The following TGIF1 variants were observed in gnomAD, a reference collection of about 807,000 sequenced individuals.
TGIF1 encodes homeobox protein TGIF1.
Under a neutral mutation model 19.3 loss-of-function variants are expected in TGIF1, and 4 were observed. The ratio of observed to expected loss-of-function variants is 0.21; its 90% confidence interval spans 0.10 to 0.47. TGIF1 has a LOEUF of 0.47. Ranked by LOEUF, TGIF1 falls within the 20% of genes least tolerant of loss-of-function variation. The probability of loss-of-function intolerance (pLI) is 0.98; values close to 1 mark genes in which losing one functional copy is unlikely to be tolerated. For missense variants in TGIF1, 275 were observed against 341.4 expected (o/e 0.81, Z 1.53); for synonymous variants, 122 against 129.3 (o/e 0.94, Z 0.38).
chr18:3,449,604 G>C, upstream of TGIF1: 1 of 977,332 alleles, frequency 1.0e-6, no homozygotes, highest in South Asian at 4.8e-5. Flanking sequence ...GGGAGGAGAA[G>C]GGTGCGCCGC....
chr18:3,423,086 G>A (rs2082426981), intron 2 of TGIF1, among the ~76,000 whole-genome samples: 1 of 152,090 alleles, frequency 6.6e-6, no homozygotes, highest in Non-Finnish European at 1.5e-5. Context: ...GTACTCATAT[G>A]GTTACATCAC....
chr18:3,423,472 C>G lies in TGIF1; in HGVS notation c.-45+5257C>G, dbSNP rs146828374. The stretch of plus-strand genomic sequence containing the variant: ...GGGCGGGCAGATCACGAGGTCAGGA[C>G]ATCGAGACCTTCCTGGCTAACACGG... On this transcript the variant is annotated intron_variant, in intron 2 of 3. Transcript: ENST00000401449. Among the ~76,000 whole-genome samples, 834 of 152,014 alleles carry G rather than the reference C, an allele frequency of 5.5e-3. 6 individuals carry two copies. The highest frequency in any genetic ancestry group is 0.018 in the African/African-American group (745 of 41,460).
At position 3,456,731 on chromosome 18, in the gene TGIF1, AACT is replaced by A; in HGVS notation, c.243+153_243+155del. The stretch of plus-strand genomic sequence containing the variant: ...AAACTTGATAGTGTTAAAAGCTAAT[AACT>A]AGCTATTTAGAGAACACAGAAACAC... On this transcript the variant is annotated intron_variant, in intron 2 of 2. Coordinates refer to ENST00000343820, the MANE Select transcript of TGIF1 (RefSeq NM_003244.4). The surrounding 1 kb of genome is among the most constrained non-coding windows in gnomAD (Gnocchi z 4.2). 1 of 761,158 alleles carries A rather than the reference AACT, an allele frequency of 1.3e-6. No individual in the cohort carries two copies. The highest frequency in any genetic ancestry group is 1.4e-5 in the South Asian group (1 of 69,046). The allele number at this position is 761,158 out of a possible 1,614,324, so 47.2% of individuals were successfully genotyped here.
chr18:3,443,653 T>C (rs1361544464), intron 2 of TGIF1, among the ~76,000 whole-genome samples: 1 of 152,034 alleles, frequency 6.6e-6, no homozygotes, highest in African/African-American at 2.4e-5. Flanking sequence ...CTCGGCTCAC[T>C]CCACCTCCCA....
At position 3,419,814 on chromosome 18, in the gene TGIF1, T is replaced by C. The variant is rs1047672287; in HGVS notation, c.-45+1599T>C. Among the ~76,000 whole-genome samples the C allele has an allele frequency of 5.9e-5, 9 of 152,324 alleles. No individual in the cohort carries two copies. The East Asian group carries it at 1.7e-3, about 29-fold the overall frequency. ...TGAGGTCAGGTGTTCAAGACCAGCC[T>C]GGCCAACATAGCAAAACCCCTCCTC... is the stretch of plus-strand genomic sequence containing the variant. On this transcript the variant is annotated intron_variant, in intron 2 of 3. Transcript: ENST00000401449.
intron 2 of TGIF1, among the ~76,000 whole-genome samples, chr18:3,436,540 C>T (rs796478820): frequency 5.1e-4 from 78 of 152,280 alleles, no homozygotes; most frequent in African/African-American, 1.5e-3. Context: ...TGAATGTAGC[C>T]GGGCATGGTG....
intron 2 of TGIF1, among the ~76,000 whole-genome samples, chr18:3,442,570 C>G (rs1206878771): frequency 1.3e-5 from 2 of 151,970 alleles, no homozygotes; most frequent in East Asian, 1.9e-4. Context: ...CAAAAAAAAT[C>G]AATACAATAG....
At chr18:3,432,377 C>G (rs904460871) in intron 2 of TGIF1, among the ~76,000 whole-genome samples, 1 of 152,034 alleles carries the variant, frequency 6.6e-6, no homozygotes, top group South Asian at 2.1e-4. Flanking sequence ...GATCCTACAT[C>G]GGATCTTAGT....
rs1005938687 is a variant in TGIF1, at chr18:3,456,094, A to G, written c.17-260A>G. 2 of 529,946 alleles carry G rather than the reference A, an allele frequency of 3.8e-6. No individual in the cohort carries two copies. The highest frequency in any genetic ancestry group is 6.3e-5 in the Admixed American group (2 of 31,856). 32.8% of individuals were successfully genotyped at this position (529,946 alleles called of 1,614,324 possible). A position where few individuals can be genotyped will look rare whatever the true frequency, so the allele number is the denominator to read the frequency against. On this transcript the variant is annotated intron_variant, in intron 1 of 2. Coordinates refer to ENST00000343820, the MANE Select transcript of TGIF1 (RefSeq NM_003244.4). The surrounding 1 kb of genome is among the most constrained non-coding windows in gnomAD (Gnocchi z 4.2). ...GAAAGAGTTTTCTGACCATCATTCA[A>G]AAGGAATGTGAGAAGTTAATGAATC...
chr18:3,427,113 T>G (rs1245433463), intron 2 of TGIF1, among the ~76,000 whole-genome samples: 1 of 151,740 alleles, frequency 6.6e-6, no homozygotes, highest in African/African-American at 2.4e-5. Context: ...CCGGCTAATT[T>G]TTGTATTTTT....
Position 3,450,377 on chromosome 18 carries a change from C to G in TGIF1, c.-113C>G, listed in dbSNP as rs1332001888. On this transcript the variant is annotated 5_prime_UTR_variant, in exon 1 of 3. Coordinates refer to ENST00000343820, the MANE Select transcript of TGIF1 (RefSeq NM_003244.4). ...TTAGCAATAACGGCTGGAGCACGTC[C>G]TACAAGTTACGGGAGAGTCGGCTGT... 5 of 1,538,026 alleles carry G rather than the reference C, an allele frequency of 3.3e-6. No individual in the cohort carries two copies. In the Admixed American group the frequency reaches 6.0e-5, roughly 19 times the overall value.
At chr18:3,448,862 G>A (rs2082809474), upstream of TGIF1, among the ~76,000 whole-genome samples, 1 of 151,934 alleles carries the variant, frequency 6.6e-6, no homozygotes, top group Non-Finnish European at 1.5e-5. Flanking sequence ...CTTCTGCCGG[G>A]ATCTCCACCG....
intron 2 of TGIF1, among the ~76,000 whole-genome samples, chr18:3,438,952 T>C (rs1042327582): frequency 2.0e-5 from 3 of 152,074 alleles, no homozygotes; most frequent in Admixed American, 2.0e-4. Flanking sequence ...CATAGGAATA[T>C]AAATAGCTAG....
rs200679423 is a variant in TGIF1 at position 3,438,750 on chromosome 18, CA to C, written c.-44-17596del. On this transcript the variant is annotated intron_variant, in intron 2 of 3. Coordinates refer to the TGIF1 transcript ENST00000401449. ...GATTTGGTGAACATGTTTCCTGAAC[CA>C]AAAAAAATCAAGGCGCGTAGTCTGA... is the stretch of plus-strand genomic sequence containing the variant. Among the ~76,000 whole-genome samples the C allele has an allele frequency of 1.9e-3, 290 of 151,474 alleles. 1 individual carries two copies. The highest frequency in any genetic ancestry group is 6.9e-3 in the African/African-American group (286 of 41,306).
chr18:3,427,254 A>T (rs1273842392), intron 2 of TGIF1, among the ~76,000 whole-genome samples: 1 of 150,096 alleles, frequency 6.7e-6, no homozygotes, highest in African/African-American at 2.5e-5. Context: ...AATGATCTCT[A>T]TAAACTGATA....
rs577099132 is a variant in TGIF1, at chr18:3,457,645, A to G, written c.524A>G (p.His175Arg). ...SVLARPSVIC[H>R]TTVTALKDVP... ...TTGGCTCGTCCATCAGTGATCTGCC[A>G]TACCACTGTGACTGCATTGAAAGAT... The change falls in exon 3 of 3, where the codon CAT becomes CGT. Residue 175 changes from histidine (H) to arginine (R), a missense_variant. Physicochemically the swap from His to Arg is conservative, Grantham distance 29. Transcript: ENST00000343820. This position sits in a 1 kb window ranked among gnomAD's most constrained non-coding sequence, Gnocchi z 4.9. 1 of 1,614,222 alleles carries G rather than the reference A, an allele frequency of 6.2e-7. No homozygotes were observed. The highest frequency in any genetic ancestry group is 8.5e-7 in the Non-Finnish European group (1 of 1,180,042).
upstream of TGIF1, chr18:3,447,911 A>G: frequency 2.0e-6 from 3 of 1,500,678 alleles, no homozygotes; most frequent in Admixed American, 1.7e-5. Context: ...ACCCTTTCCA[A>G]TTCTCGGTTC....
At chr18:3,429,555 T>G (rs1157647874) in intron 2 of TGIF1, among the ~76,000 whole-genome samples, 1 of 152,228 alleles carries the variant, frequency 6.6e-6, no homozygotes, top group East Asian at 1.9e-4. Context: ...ACCATGGGCT[T>G]TACCGAATCG....
upstream of TGIF1, among the ~76,000 whole-genome samples, chr18:3,445,751 AAAG>A (rs2082734856): frequency 4.0e-5 from 5 of 126,442 alleles, no homozygotes; most frequent in African/African-American, 1.5e-4. Flanking sequence ...AAAAAAAAAA[AAAG>A]AGAAGAAAAG....
Sources: allele counts gnomAD v4.1 joint callset (sites outside exome capture counted in the v4.1 genomes callset), GRCh38; gene constraint gnomAD v4.1.1; non-coding constraint Gnocchi (gnomAD v3.1); transcripts MANE v1.5; gene names NCBI Gene and HGNC (gene_info 2026-07-23, HGNC 2026-07-21).